The following RFX7 variants were observed in gnomAD, a reference collection of about 807,000 sequenced individuals.
RFX7 encodes regulatory factor X7.
Under a neutral mutation model 111.8 loss-of-function variants are expected in RFX7, and 26 were observed. That is an observed-to-expected ratio of 0.23 (90% CI 0.17 to 0.32). The LOEUF is 0.32. Ranked by LOEUF, RFX7 falls within the 10% of genes least tolerant of loss-of-function variation. The probability of loss-of-function intolerance (pLI) is 1.00; values close to 1 mark genes in which losing one functional copy is unlikely to be tolerated. For synonymous variants in RFX7, 624 were observed against 624.4 expected, an observed-to-expected ratio of 1.00 and a Z score of 0.01; for missense variants, 1,573 against 1,772.9, an observed-to-expected ratio of 0.89 and a Z score of 2.02.
intron 2 of RFX7, among the ~76,000 whole-genome samples, chr15:56,214,283 A>C (rs924884081): frequency 6.6e-6 from 1 of 152,126 alleles, no homozygotes; most frequent in Non-Finnish European, 1.5e-5. Flanking sequence ...TTTTTGAAAA[A>C]TATTTTGATT....
At chr15:56,154,769 G>C (rs1003360819) in intron 3 of RFX7, among the ~76,000 whole-genome samples, 2 of 152,106 alleles carry the variant, frequency 1.3e-5, no homozygotes, top group African/African-American at 4.8e-5. Context: ...ACAAAAGCCA[G>C]AATTGACAAG....
intron 5 of RFX7, among the ~76,000 whole-genome samples, chr15:56,139,081 A>G (rs1479810126): frequency 1.3e-5 from 2 of 151,850 alleles, no homozygotes; most frequent in African/African-American, 4.8e-5. Flanking sequence ...GGTGAATCTG[A>G]CAATTATGTG....
intron 3 of RFX7, among the ~76,000 whole-genome samples, chr15:56,168,488 C>T (rs185313212): frequency 2.0e-4 from 30 of 152,280 alleles, no homozygotes; most frequent in Admixed American, 1.6e-3. Flanking sequence ...ACAAATTAAG[C>T]TGGCGATAGC....
At chr15:56,203,917 T>C (rs1596007115) in intron 2 of RFX7, among the ~76,000 whole-genome samples, 1 of 152,204 alleles carries the variant, frequency 6.6e-6, no homozygotes, top group East Asian at 1.9e-4. Context: ...TTAATAAACT[T>C]GCTTTCACTT....
chr15:56,123,670 T>G (rs1448965891), intron 5 of RFX7, among the ~76,000 whole-genome samples: 1 of 152,200 alleles, frequency 6.6e-6, no homozygotes, highest in Admixed American at 6.5e-5. Context: ...TGGTCTAGAC[T>G]GCCTTTCAAG....
At chr15:56,205,474 T>C (rs1180637031) in intron 2 of RFX7, among the ~76,000 whole-genome samples, 2 of 152,222 alleles carry the variant, frequency 1.3e-5, no homozygotes, top group African/African-American at 4.8e-5. Flanking sequence ...CTATCTTCTC[T>C]CACTTCTCCT....
intron 5 of RFX7, among the ~76,000 whole-genome samples, chr15:56,119,917 A>G (rs1161096412): frequency 2.0e-5 from 3 of 151,990 alleles, no homozygotes; most frequent in Non-Finnish European, 4.4e-5. Context: ...CTACAGCTCT[A>G]TAGTATAATT....
At chr15:56,160,648 G>T (rs1289687599) in intron 3 of RFX7, 1 of 151,950 alleles carries the variant, frequency 6.6e-6, no homozygotes, top group Admixed American at 6.6e-5. Flanking sequence ...AAAGTATAAG[G>T]ATCAAAAGGG....
At chr15:56,141,876 G>A (rs1264236580) in intron 5 of RFX7, among the ~76,000 whole-genome samples, 3 of 151,534 alleles carry the variant, frequency 2.0e-5, no homozygotes, top group Non-Finnish European at 4.4e-5. Flanking sequence ...TTGTTCTCTT[G>A]ATCATTTCAG....
At chr15:56,109,098 C>G (rs1437557711) in intron 5 of RFX7, among the ~76,000 whole-genome samples, 2 of 152,186 alleles carry the variant, frequency 1.3e-5, no homozygotes, top group East Asian at 3.9e-4. Context: ...GATGCCGAGC[C>G]GAAGCTGGAC....
At chr15:56,148,315 T>C (rs560575826) in intron 3 of RFX7, among the ~76,000 whole-genome samples, 1 of 152,320 alleles carries the variant, frequency 6.6e-6, no homozygotes, top group African/African-American at 2.4e-5. Flanking sequence ...TAAGCAAAGA[T>C]TTATGAAGAC....
At chr15:56,213,868 A>G (rs1255606813) in intron 2 of RFX7, among the ~76,000 whole-genome samples, 2 of 152,206 alleles carry the variant, frequency 1.3e-5, no homozygotes, top group Admixed American at 1.3e-4. Flanking sequence ...AAACAAGTAT[A>G]TATTTTATTC....
chr15:56,177,535 T>TA (rs1363427214), intron 3 of RFX7, among the ~76,000 whole-genome samples: 1 of 152,114 alleles, frequency 6.6e-6, no homozygotes, highest in Non-Finnish European at 1.5e-5. Flanking sequence ...TTCTAAAACT[T>TA]AGACTAAAAT....
intron 3 of RFX7, among the ~76,000 whole-genome samples, chr15:56,162,501 T>C (rs1027345358): frequency 2.0e-5 from 3 of 152,060 alleles, no homozygotes; most frequent in Admixed American, 6.6e-5. Context: ...TCCCATCATA[T>C]TTTTGAGACA....
chr15:56,198,379 A>G (rs2043165221), intron 2 of RFX7, among the ~76,000 whole-genome samples: 1 of 152,196 alleles, frequency 6.6e-6, no homozygotes, highest in African/African-American at 2.4e-5. Flanking sequence ...CTAGTTCAGT[A>G]TAGTCAAGGA....
intron 8 of RFX7, among the ~76,000 whole-genome samples, chr15:56,099,634 A>T (rs1309404555): frequency 6.6e-6 from 1 of 150,738 alleles, no homozygotes; most frequent in Non-Finnish European, 1.5e-5. Flanking sequence ...TATATTTATA[A>T]AAAAAAAAAT....
At chr15:56,170,671 T>C (rs528079228) in intron 3 of RFX7, among the ~76,000 whole-genome samples, 119 of 152,284 alleles carry the variant, frequency 7.8e-4, no homozygotes, top group African/African-American at 2.8e-3. Flanking sequence ...TTCATTAAAA[T>C]TAAACAAAAT....
intron 2 of RFX7, among the ~76,000 whole-genome samples, chr15:56,197,298 G>A (rs1013986401): frequency 5.3e-5 from 8 of 151,844 alleles, no homozygotes; most frequent in Non-Finnish European, 2.9e-5. Flanking sequence ...GAGTTACATC[G>A]CCATCAGCGG....
In RFX7 at chr15:56,098,306, C is replaced by T. The variant is rs771018950; in HGVS notation, c.882G>A (p.Val294=). Residue 294 remains valine (V), a synonymous_variant, in exon 9 of 10, where the codon GTG becomes GTA. Coordinates refer to ENST00000559447, the MANE Select transcript of RFX7 (RefSeq NM_022841.7). ...TAESNSFQPQ[V]KTLPSPIDAK... is the part of the protein sequence containing the mutation. ...CATCAATTGGAGATGGCAAAGTCTT[C>T]ACCTGAGGCTGAAAGGAATTACTTT... 15 of 1,613,520 alleles carry T rather than the reference C, an allele frequency of 9.3e-6. No individual in the cohort carries two copies. Among genetic ancestry groups the T allele is most frequent in the African/African-American group, 1.3e-5 (1 of 74,916 alleles).
Sources: gnomAD v4.1 joint callset for allele counts (sites outside exome capture counted in the v4.1 genomes callset) on GRCh38, gnomAD v4.1.1 for gene constraint, MANE v1.5 for transcripts, NCBI Gene and HGNC (gene_info 2026-07-23, HGNC 2026-07-21) for gene names.